Variants in TANGO6 observed in about 807,000 individuals in gnomAD.
TANGO6 encodes transport and golgi organization 6 homolog.
In TANGO6, 90 loss-of-function variants were observed where a neutral mutation model predicts 114.2. The ratio of observed to expected loss-of-function variants is 0.79; its 90% CI spans 0.66 to 0.94. TANGO6 has a LOEUF of 0.94. Among genes scored for constraint, TANGO6 ranks in the 40% least tolerant of loss-of-function variants. TANGO6 has a pLI of 0.00. For synonymous variants in TANGO6, 477 were observed against 509.8 expected, an observed-to-expected ratio of 0.94 and a Z score of 0.87; for missense variants, 1,274 against 1,315.3, an observed-to-expected ratio of 0.97 and a Z score of 0.49.
intron 7 of TANGO6, 124 bp from the exon 8 acceptor site, chr16:68,900,310 A>G: frequency 1.4e-6 from 1 of 735,420 alleles, no homozygotes; most frequent in Non-Finnish European, 2.3e-6. Flanking sequence ...TTTGGAGCTA[A>G]AATGGTGTGA....
chr16:68,980,409 C>CTCTCTCTCTCTCTCTATA (rs1408626276), intron 15 of TANGO6, among the ~76,000 whole-genome samples: 4 of 67,988 alleles, frequency 5.9e-5, no homozygotes, highest in African/African-American at 1.3e-4. Flanking sequence ...CTCTCTCTCT[C>CTCTCTCTCTCTCTCTATA]TATATATATA....
At chr16:68,863,224 G>A (rs775955640) in intron 3 of TANGO6, 163 bp downstream of exon 3, 34 of 490,872 alleles carry the variant, frequency 6.9e-5, no homozygotes, top group Non-Finnish European at 1.0e-4. Flanking sequence ...ACTAGATGAC[G>A]CTGACCCTTA....
intron 15 of TANGO6, among the ~76,000 whole-genome samples, chr16:68,996,912 A>G (rs904905192): frequency 6.6e-6 from 1 of 152,198 alleles, no homozygotes; most frequent in Non-Finnish European, 1.5e-5. Context: ...AAATTCAAAG[A>G]TACACAGAAA....
At chr16:68,845,048 A>T (rs1471300067) in intron 1 of TANGO6, among the ~76,000 whole-genome samples, 1 of 150,848 alleles carries the variant, frequency 6.6e-6, no homozygotes, top group Non-Finnish European at 1.5e-5. Context: ...GCTCACTGCA[A>T]CCTCTGCCTC....
Position 68,907,333 on chromosome 16 carries a change from A to G in TANGO6, c.1668-110A>G, listed in dbSNP as rs377364152. On this transcript the variant is annotated intron_variant, in intron 9 of 17. Transcript: ENST00000261778. The stretch of plus-strand genomic sequence containing the variant: ...TTAAATAAATTTGGGGGATCTTTTT[A>G]ATGGTTAACTGTTTGGACATAACAT... The G allele has an allele frequency of 1.1e-4, 133 of 1,171,574 alleles. No homozygotes were observed. In the East Asian group the frequency reaches 2.8e-3, roughly 25 times the overall value. The allele number at this position is 1,171,574 out of a possible 1,614,324, so 72.6% of individuals were successfully genotyped here. A position where few individuals can be genotyped will look rare whatever the true frequency, so the allele number is the denominator to read the frequency against.
At chr16:68,913,004 C>T (rs1287055221) in intron 11 of TANGO6, among the ~76,000 whole-genome samples, 2 of 146,324 alleles carry the variant, frequency 1.4e-5, no homozygotes, top group African/African-American at 2.5e-5. Flanking sequence ...CACTTGAACC[C>T]GGGAGGCGGA....
chr16:69,051,443 A>C (rs1006776035), intron 17 of TANGO6, among the ~76,000 whole-genome samples: 4 of 152,210 alleles, frequency 2.6e-5, no homozygotes, highest in African/African-American at 7.2e-5. Flanking sequence ...TGGGAGGCTG[A>C]GGTGGGCAGA....
At chr16:68,990,212 C>T (rs1280766455) in intron 15 of TANGO6, among the ~76,000 whole-genome samples, 1 of 151,896 alleles carries the variant, frequency 6.6e-6, no homozygotes, top group Non-Finnish European at 1.5e-5. Flanking sequence ...AGTCTGTTCT[C>T]CCGCTGCTAA....
chr16:68,907,099 A>ATTTTTTTTTTTT (rs546359676), intron 9 of TANGO6, among the ~76,000 whole-genome samples: 85 of 114,584 alleles, frequency 7.4e-4, no homozygotes, highest in Non-Finnish European at 8.8e-4. Context: ...CCAGACCTTG[A>ATTTTTTTTTTTT]TTTTTTTTTT....
chr16:68,942,141 C>T (rs1963360886), intron 14 of TANGO6, among the ~76,000 whole-genome samples: 1 of 152,050 alleles, frequency 6.6e-6, no homozygotes. Context: ...ACCAGCCTGG[C>T]CAACATGGCG....
At chr16:69,079,514 A>C (rs1161277173) in intron 17 of TANGO6, among the ~76,000 whole-genome samples, 3 of 152,070 alleles carry the variant, frequency 2.0e-5, no homozygotes. Context: ...AAAAAATTTC[A>C]CAAAGAAAAA....
Position 68,980,435 on chromosome 16 carries a change from A to AT in TANGO6, c.2842+6284dup, listed in dbSNP as rs1291932299. ...TATATATATATATATATATATATAT[A>AT]TTTTTTTTTTTTTTTTTGAGATAGG... On this transcript the variant is annotated intron_variant, in intron 15 of 17. Transcript: ENST00000261778. Among the ~76,000 whole-genome samples the AT allele has an allele frequency of 5.8e-3, 357 of 61,768 alleles. 12 individuals are homozygous for AT. The highest frequency in any genetic ancestry group is 7.9e-3 in the South Asian group (15 of 1,900). 40.5% of individuals were successfully genotyped at this position (61,768 alleles called of 152,430 possible). A position where few individuals can be genotyped will look rare whatever the true frequency, so the allele number is the denominator to read the frequency against.
At chr16:69,056,412 A>T (rs770066427) in intron 17 of TANGO6, among the ~76,000 whole-genome samples, 55 of 152,174 alleles carry the variant, frequency 3.6e-4, no homozygotes, top group Non-Finnish European at 7.3e-4. Flanking sequence ...TATTTAATTT[A>T]TATTTCACAG....
At chr16:68,923,326 G>A (rs1323759898) in intron 12 of TANGO6, among the ~76,000 whole-genome samples, 1 of 152,070 alleles carries the variant, frequency 6.6e-6, no homozygotes, top group Non-Finnish European at 1.5e-5. Context: ...CCAGGAGCAT[G>A]GACTGTGTTT....
At chr16:69,074,012 C>A (rs1960335890) in intron 17 of TANGO6, among the ~76,000 whole-genome samples, 1 of 151,476 alleles carries the variant, frequency 6.6e-6, no homozygotes, top group Non-Finnish European at 1.5e-5. Context: ...AGGCCCCCGA[C>A]CTAGGAGACC....
chr16:68,886,737 C>T, intron 7 of TANGO6, among the ~76,000 whole-genome samples: 1 of 152,044 alleles, frequency 6.6e-6, no homozygotes, highest in East Asian at 1.9e-4. Context: ...TCTTGAACTC[C>T]TGACCTCAGG....
chr16:69,051,078 GC>G (rs1959941193), intron 17 of TANGO6, among the ~76,000 whole-genome samples: 1 of 150,972 alleles, frequency 6.6e-6, no homozygotes, highest in African/African-American at 2.4e-5. Flanking sequence ...TAAATTGATT[GC>G]ATAATTTAAA....
At chr16:68,971,475 A>G (rs796915852) in intron 14 of TANGO6, among the ~76,000 whole-genome samples, 14 of 151,988 alleles carry the variant, frequency 9.2e-5, no homozygotes, top group African/African-American at 1.4e-4. Context: ...GGGTCTCCCT[A>G]TGTTGCCCAG....
intron 1 of TANGO6, among the ~76,000 whole-genome samples, chr16:68,858,554 C>T (rs1962037103): frequency 6.6e-6 from 1 of 152,124 alleles, no homozygotes; most frequent in Admixed American, 6.6e-5. Flanking sequence ...TCTTTTCTTT[C>T]ACTGCAGCCT....
Sources: gnomAD v4.1 joint callset for allele counts (sites outside exome capture counted in the v4.1 genomes callset) on GRCh38, gnomAD v4.1.1 for gene constraint, MANE v1.5 for transcripts, NCBI Gene and HGNC (gene_info 2026-07-23, HGNC 2026-07-21) for gene names.